SLC24A2: variants seen among roughly 807,000 people sequenced by gnomAD.
SLC24A2 encodes solute carrier family 24 member 2.
SLC24A2 carries 36 observed loss-of-function variants against 62.0 expected under a neutral mutation model. The ratio of observed to expected loss-of-function variants is 0.58; its 90% confidence interval spans 0.44 to 0.77. SLC24A2 has a LOEUF of 0.77. SLC24A2 is among the 30% of genes least tolerant of loss of function. SLC24A2 has a pLI of 0.00. For synonymous variants in SLC24A2, 358 were observed against 294.0 expected (o/e 1.22, Z -2.23); for missense variants, 846 against 817.9 (o/e 1.03, Z -0.42).
At chr9:20,286,174 G>A in the SLC24A2 span, among the ~76,000 whole-genome samples, 2 of 152,316 alleles carry the variant, frequency 1.3e-5, no homozygotes, top group African/African-American at 4.8e-5. Flanking sequence ...CCAGAGGTGG[G>A]TGCGCATATC....
the SLC24A2 span, among the ~76,000 whole-genome samples, chr9:20,021,356 T>C: frequency 3.3e-5 from 5 of 151,824 alleles, no homozygotes; most frequent in Non-Finnish European, 5.9e-5. Flanking sequence ...GATTTATATA[T>C]ATATATTTAT....
the SLC24A2 span, among the ~76,000 whole-genome samples, chr9:20,103,812 G>A: frequency 1.5e-3 from 230 of 152,102 alleles, 3 homozygotes; most frequent in South Asian, 0.019. Flanking sequence ...CCAAAGGAAC[G>A]CAGTTCCTCA....
chr9:19,893,967 C>T, the SLC24A2 span, among the ~76,000 whole-genome samples: 1 of 152,150 alleles, frequency 6.6e-6, no homozygotes, highest in Non-Finnish European at 1.5e-5. Flanking sequence ...CTTAAGGACA[C>T]TTCTTGGAAG....
the SLC24A2 span, among the ~76,000 whole-genome samples, chr9:20,277,536 G>C: frequency 7.2e-5 from 11 of 151,964 alleles, no homozygotes; most frequent in African/African-American, 2.7e-4. Context: ...ACCACAATGA[G>C]ATACCATCTC....
At chr9:20,027,701 A>G in the SLC24A2 span, among the ~76,000 whole-genome samples, 3 of 152,280 alleles carry the variant, frequency 2.0e-5, no homozygotes, top group East Asian at 3.9e-4. Flanking sequence ...TATGAATTCA[A>G]TTAGACAGGA....
the SLC24A2 span, among the ~76,000 whole-genome samples, chr9:20,206,295 A>G: frequency 3.3e-5 from 5 of 152,200 alleles, no homozygotes; most frequent in African/African-American, 1.2e-4. Flanking sequence ...AGTTAAATCA[A>G]AAGAGCATAT....
intron 2 of SLC24A2, among the ~76,000 whole-genome samples, chr9:19,706,110 G>T (rs1356691668): frequency 6.6e-6 from 1 of 151,812 alleles, no homozygotes; most frequent in Non-Finnish European, 1.5e-5. Context: ...TATGAATCTG[G>T]GTGCTCCTGT....
chr9:19,568,969 T>G (rs1835758702), intron 7 of SLC24A2, among the ~76,000 whole-genome samples: 2 of 152,332 alleles, frequency 1.3e-5, no homozygotes, highest in South Asian at 4.1e-4. Flanking sequence ...CGTGTACAAA[T>G]ATACTGGATA....
intron 7 of SLC24A2, 138 bp from the exon 8 acceptor site, chr9:19,550,406 G>C (rs117583992): frequency 0.017 from 13,620 of 785,816 alleles, 169 homozygotes; most frequent in Non-Finnish European, 0.021. Context: ...TCATATGTGT[G>C]ATTTTGAGAT....
At chr9:20,002,461 A>G in the SLC24A2 span, among the ~76,000 whole-genome samples, 1 of 151,704 alleles carries the variant, frequency 6.6e-6, no homozygotes, top group Admixed American at 6.6e-5. Flanking sequence ...GGGTATAATC[A>G]GGCATAAGCA....
chr9:19,877,814 C>G, the SLC24A2 span, among the ~76,000 whole-genome samples: 3 of 152,174 alleles, frequency 2.0e-5, no homozygotes, highest in African/African-American at 7.2e-5. Context: ...GCTGAAGTAA[C>G]TGGGACTTCT....
chr9:19,973,983 C>T, the SLC24A2 span, among the ~76,000 whole-genome samples: 1 of 152,048 alleles, frequency 6.6e-6, no homozygotes, highest in Non-Finnish European at 1.5e-5. Context: ...AAACTTGTTT[C>T]ATTAAATTTG....
At chr9:19,669,183 C>T (rs866644185) in intron 2 of SLC24A2, among the ~76,000 whole-genome samples, 6 of 152,032 alleles carry the variant, frequency 3.9e-5, no homozygotes, top group South Asian at 2.1e-4. Context: ...AACTCCAAAA[C>T]CAGGAGAAGA....
At chr9:20,302,268 G>A in the SLC24A2 span, among the ~76,000 whole-genome samples, 1 of 152,078 alleles carries the variant, frequency 6.6e-6, no homozygotes, top group Non-Finnish European at 1.5e-5. Context: ...TGGGCTGTAT[G>A]GTAAGCATAT....
At chr9:20,165,385 C>G in the SLC24A2 span, among the ~76,000 whole-genome samples, 1 of 151,800 alleles carries the variant, frequency 6.6e-6, no homozygotes, top group Non-Finnish European at 1.5e-5. Flanking sequence ...ATGGGTTGAG[C>G]TATGAGCCCT....
At chr9:19,905,845 G>A in the SLC24A2 span, among the ~76,000 whole-genome samples, 108 of 152,252 alleles carry the variant, frequency 7.1e-4, 1 homozygote, top group Middle Eastern at 6.8e-3. Flanking sequence ...ACACTTATGT[G>A]CACAAGAGGT....
At chr9:20,218,308 A>G in the SLC24A2 span, among the ~76,000 whole-genome samples, 5 of 152,266 alleles carry the variant, frequency 3.3e-5, no homozygotes, top group Non-Finnish European at 7.4e-5. Flanking sequence ...TGACCTCTGT[A>G]AAAGAACCCT....
chr9:19,545,091 A>T (rs982328695), intron 8 of SLC24A2, among the ~76,000 whole-genome samples: 3 of 152,084 alleles, frequency 2.0e-5, no homozygotes, highest in Non-Finnish European at 1.5e-5. Flanking sequence ...ATCTTTTCAC[A>T]TAGTCCCATA....
the SLC24A2 span, among the ~76,000 whole-genome samples, chr9:20,132,417 T>G: frequency 6.6e-6 from 1 of 152,146 alleles, no homozygotes; most frequent in Non-Finnish European, 1.5e-5. Context: ...TTTAGGTTAT[T>G]TTGAACTTTC....
Sources: allele counts gnomAD v4.1 joint callset (sites outside exome capture counted in the v4.1 genomes callset), GRCh38; gene constraint gnomAD v4.1.1; transcripts MANE v1.5; gene names NCBI Gene and HGNC (gene_info 2026-07-23, HGNC 2026-07-21).